CEP83: variants seen among roughly 807,000 people sequenced by gnomAD.
CEP83 encodes the protein centrosomal protein of 83 kDa.
In CEP83, 70 loss-of-function variants were observed where a neutral mutation model predicts 101.9. That is an observed-to-expected ratio of 0.69 (90% confidence interval 0.57 to 0.84). The LOEUF (loss-of-function observed/expected upper bound fraction) is 0.84. Among genes scored for constraint, CEP83 ranks in the 40% least tolerant of loss-of-function variants. The pLI is 0.00. For synonymous variants in CEP83, 264 were observed against 267.9 expected (o/e 0.99, Z 0.14); for missense variants, 715 against 787.2 (o/e 0.91, Z 1.10).
At chr12:94,296,996 C>T in the CEP83 span, among the ~76,000 whole-genome samples, 1 of 152,196 alleles carries the variant, frequency 6.6e-6, no homozygotes, top group African/African-American at 2.4e-5. Flanking sequence ...ATCCCTCACC[C>T]GTCCCATCTT....
At chr12:94,367,695 G>T in intron 11 of CEP83, 99 bp downstream of exon 11, 1 of 713,982 alleles carries the variant, frequency 1.4e-6, no homozygotes, top group Non-Finnish European at 2.2e-6. Context: ...AGATCAGGGT[G>T]AAGAGCACAT....
At chr12:94,398,638 C>T (rs372339164) in intron 6 of CEP83, among the ~76,000 whole-genome samples, 24 of 152,020 alleles carry the variant, frequency 1.6e-4, no homozygotes, top group African/African-American at 1.9e-4. Context: ...AGAATAACAG[C>T]GATTTTCAGG....
intron 1 of CEP83, among the ~76,000 whole-genome samples, chr12:94,440,732 C>T (rs941430044): frequency 1.3e-5 from 2 of 152,020 alleles, no homozygotes; most frequent in Non-Finnish European, 2.9e-5. Context: ...CAAAGCAATA[C>T]TAAGCACAAA....
At chr12:94,303,711 TTACTC>T, downstream of CEP83, 1 of 1,169,808 alleles carries the variant, frequency 8.5e-7, no homozygotes, top group Non-Finnish European at 1.1e-6. Context: ...TTTTTTTTTT[TTACTC>T]TTTTGGTGAT....
chr12:94,456,997 TG>T, intron 1 of CEP83, among the ~76,000 whole-genome samples: 1 of 152,276 alleles, frequency 6.6e-6, no homozygotes, highest in East Asian at 1.9e-4. Context: ...ACTATTCCTA[TG>T]TATGTATGTA....
At chr12:94,292,302 T>C in the CEP83 span, among the ~76,000 whole-genome samples, 11 of 152,282 alleles carry the variant, frequency 7.2e-5, no homozygotes, top group South Asian at 1.7e-3. Context: ...GGGGTGGTCA[T>C]TGTCTCGGAA....
chr12:94,385,124 T>C (rs576337571), intron 6 of CEP83, among the ~76,000 whole-genome samples: 1 of 152,292 alleles, frequency 6.6e-6, no homozygotes, highest in Admixed American at 6.5e-5. Context: ...ACTCTACTTC[T>C]GTTGATACCC....
chr12:94,411,712 T>C lies in CEP83; in HGVS notation c.309A>G (p.Glu103=), dbSNP rs1223085672. 1.9e-6 allele frequency: 3 copies of C among 1,601,936 alleles called. No homozygotes were observed. The Admixed American group carries it at 5.2e-5, about 28-fold the overall frequency. Residue 103 remains glutamate, a synonymous_variant, in exon 4 of 17, where the codon GAA becomes GAG. Transcript: ENST00000397809. ...ATTTTCTCACCTGCAGTTTCATTTC[T>C]TCTAAATCTTTAGTTTTCTCTACTA... ...GELVEKTKDL[E]EMKLQILTPQ...
chr12:94,414,224 T>C (rs1313110257), intron 2 of CEP83, among the ~76,000 whole-genome samples: 1 of 152,204 alleles, frequency 6.6e-6, no homozygotes, highest in Non-Finnish European at 1.5e-5. Context: ...CTGCCAAAAG[T>C]ACACATTTGC....
chr12:94,309,156 C>T (rs1969440913), intron 16 of CEP83, among the ~76,000 whole-genome samples: 1 of 152,130 alleles, frequency 6.6e-6, no homozygotes, highest in African/African-American at 2.4e-5. Flanking sequence ...TAAAATTCAC[C>T]AGGGAGTGAA....
chr12:94,416,551 T>TACACACAC (rs1555256390), intron 2 of CEP83, among the ~76,000 whole-genome samples: 4 of 145,520 alleles, frequency 2.7e-5, no homozygotes, highest in Non-Finnish European at 1.5e-5. Context: ...CCAAATACCA[T>TACACACAC]ACACACACAC....
chr12:94,268,810 G>C, the CEP83 span, among the ~76,000 whole-genome samples: 1 of 151,928 alleles, frequency 6.6e-6, no homozygotes, highest in Admixed American at 6.6e-5. Flanking sequence ...GGCTAGCCTG[G>C]TCTTGAACTC....
chr12:94,292,356 C>T, the CEP83 span, among the ~76,000 whole-genome samples: 1 of 152,106 alleles, frequency 6.6e-6, no homozygotes, highest in Non-Finnish European at 1.5e-5. Context: ...TATTTTATAT[C>T]TTGATAAAGG....
At chr12:94,376,688 TATACACACAC>T (rs1419195211) in intron 7 of CEP83, among the ~76,000 whole-genome samples, 6 of 87,502 alleles carry the variant, frequency 6.9e-5, no homozygotes, top group African/African-American at 3.0e-4. Context: ...TATATACATA[TATACACACAC>T]ACACACACAC....
At chr12:94,271,129 G>C in the CEP83 span, among the ~76,000 whole-genome samples, 4 of 152,090 alleles carry the variant, frequency 2.6e-5, no homozygotes, top group African/African-American at 9.7e-5. Context: ...CTTTTCTCTT[G>C]ACTTTCATTC....
At chr12:94,412,933 A>C (rs2063996624) in intron 2 of CEP83, among the ~76,000 whole-genome samples, 1 of 151,352 alleles carries the variant, frequency 6.6e-6, no homozygotes, top group Non-Finnish European at 1.5e-5. Context: ...ACTCACTGCA[A>C]CCTCCGCCTC....
At chr12:94,273,560 G>A in the CEP83 span, among the ~76,000 whole-genome samples, 1 of 152,120 alleles carries the variant, frequency 6.6e-6, no homozygotes, top group African/African-American at 2.4e-5. Context: ...CGACCTAAAA[G>A]AGGTACCTCT....
intron 14 of CEP83, among the ~76,000 whole-genome samples, chr12:94,319,015 T>C (rs905053016): frequency 6.6e-6 from 1 of 152,196 alleles, no homozygotes; most frequent in South Asian, 2.1e-4. Context: ...TTTGGTAGCA[T>C]GTGGCTGTGA....
chr12:94,431,881 C>A (rs562599072), intron 2 of CEP83, among the ~76,000 whole-genome samples: 1 of 152,168 alleles, frequency 6.6e-6, no homozygotes, highest in South Asian at 2.1e-4. Context: ...ACGAAGATTT[C>A]TCAAAAAACT....
Sources: gnomAD v4.1 joint callset for allele counts (sites outside exome capture counted in the v4.1 genomes callset) on GRCh38, gnomAD v4.1.1 for gene constraint, MANE v1.5 for transcripts, NCBI Gene and HGNC (gene_info 2026-07-23, HGNC 2026-07-21) for gene names.